Variants in SEMA3D observed in about 807,000 individuals in gnomAD.
SEMA3D encodes semaphorin-3D.
SEMA3D carries 84 observed loss-of-function variants against 100.1 expected under a neutral mutation model. That is an observed-to-expected ratio of 0.84 (90% confidence interval 0.70 to 1.01). The LOEUF is 1.01. Among genes scored for constraint, SEMA3D ranks in the 50% least tolerant of loss-of-function variants. The pLI is 0.00. For missense variants in SEMA3D, 875 were observed against 934.1 expected (o/e 0.94, Z 0.82); for synonymous variants, 312 against 320.7 (o/e 0.97, Z 0.29).
chr7:85,167,336 A>T, intron 1 of SEMA3D: 1 of 982,502 alleles, frequency 1.0e-6, no homozygotes, highest in Non-Finnish European at 1.2e-6. Flanking sequence ...TGATGTTCTC[A>T]TAGAAACATA....
intron 6 of SEMA3D, among the ~76,000 whole-genome samples, chr7:85,068,857 C>G (rs1429529707): frequency 3.3e-5 from 5 of 152,106 alleles, no homozygotes; most frequent in African/African-American, 1.2e-4. Flanking sequence ...TAGTATTTCA[C>G]TATGACGAAA....
intron 8 of SEMA3D, among the ~76,000 whole-genome samples, chr7:85,057,319 G>A (rs1049920874): frequency 6.6e-6 from 1 of 152,036 alleles, no homozygotes; most frequent in African/African-American, 2.4e-5. Flanking sequence ...AGAAATAATT[G>A]GATTAAAGCA....
At chr7:85,225,198 T>C in the SEMA3D span, among the ~76,000 whole-genome samples, 435 of 144,734 alleles carry the variant, frequency 3.0e-3, 3 homozygotes, top group South Asian at 7.7e-3. Flanking sequence ...TACATATATG[T>C]AATATATATT....
intron 9 of SEMA3D, chr7:85,050,452 A>G (rs1240187809): frequency 3.9e-6 from 1 of 253,354 alleles, no homozygotes; most frequent in East Asian, 6.3e-5. Flanking sequence ...ACTGGAAAGT[A>G]GGAACACTAC....
Position 85,117,462 on chromosome 7 carries a change from A to G in SEMA3D, c.151+4279T>C, listed in dbSNP as rs919747246. Among the ~76,000 whole-genome samples the G allele has an allele frequency of 1.3e-5, 2 of 152,192 alleles. 1 individual carries two copies. Among genetic ancestry groups the G allele is most frequent in the South Asian group, 4.1e-4 (2 of 4,834 alleles). ...TTTAGAAATGGGCACTGCCATAACA[A>G]AACCTAAAACCTTTGGCTTTAAAGA... On this transcript the variant is annotated intron_variant, in intron 3 of 18. Transcript: ENST00000284136.
chr7:85,005,077 T>G (rs970270373), intron 18 of SEMA3D, among the ~76,000 whole-genome samples: 4 of 151,900 alleles, frequency 2.6e-5, no homozygotes, highest in Non-Finnish European at 5.9e-5. Flanking sequence ...CACATATTTT[T>G]AAAAATCAGA....
At chr7:85,098,034 G>T (rs184522153) in intron 3 of SEMA3D, 69 bp from the exon 4 acceptor site, 8 of 761,346 alleles carry the variant, frequency 1.1e-5, no homozygotes, top group Non-Finnish European at 1.3e-5. Context: ...AGAAAGGAGA[G>T]AAAGAAGAAA....
chr7:85,094,105 AG>A (rs1788478859), intron 4 of SEMA3D, among the ~76,000 whole-genome samples: 1 of 152,040 alleles, frequency 6.6e-6, no homozygotes. Flanking sequence ...AAGAATAAAC[AG>A]GGTGCTTTGA....
At chr7:85,117,900 G>GATATAA (rs906053682) in intron 3 of SEMA3D, among the ~76,000 whole-genome samples, 63 of 150,336 alleles carry the variant, frequency 4.2e-4, no homozygotes, top group African/African-American at 1.5e-3. Flanking sequence ...GATATATATA[G>GATATAA]ATATAAATAT....
chr7:85,165,121 C>T (rs1218996221), intron 1 of SEMA3D, among the ~76,000 whole-genome samples: 2 of 151,254 alleles, frequency 1.3e-5, no homozygotes, highest in African/African-American at 2.4e-5. Context: ...TTGCGATAGA[C>T]GAGTTAATGG....
chr7:85,096,279 G>GA (rs1041169027), intron 4 of SEMA3D, among the ~76,000 whole-genome samples: 1 of 151,322 alleles, frequency 6.6e-6, no homozygotes, highest in African/African-American at 2.4e-5. Flanking sequence ...AATTCCTGAA[G>GA]AAAAAAATAC....
intron 11 of SEMA3D, among the ~76,000 whole-genome samples, chr7:85,039,695 T>C (rs1291177221): frequency 6.6e-6 from 1 of 152,184 alleles, no homozygotes. Flanking sequence ...TTACTACTAA[T>C]AGTCCGCTCC....
In SEMA3D at chr7:85,070,153, A is replaced by G. The variant is rs547659680; in HGVS notation, c.496-1869T>C. 3.9e-5 allele frequency among the ~76,000 whole-genome samples: 6 copies of G among 152,348 alleles called. No homozygotes were observed. The South Asian group carries it at 6.2e-4, about 16-fold the overall frequency. On this transcript the variant is annotated intron_variant, in intron 6 of 18. Coordinates refer to ENST00000284136, the MANE Select transcript of SEMA3D (RefSeq NM_001384900.1). ...AATGACTGGAACCATATTTCAAACT[A>G]TGGCCATCTGTCCTCAACTTACTAT...
the SEMA3D span, among the ~76,000 whole-genome samples, chr7:85,235,779 A>G: frequency 6.6e-6 from 1 of 152,156 alleles, no homozygotes; most frequent in African/African-American, 2.4e-5. Context: ...TTCATGCCAA[A>G]TATCTGTTTT....
intron 4 of SEMA3D, among the ~76,000 whole-genome samples, chr7:85,085,728 T>A (rs1406064795): frequency 6.6e-6 from 1 of 152,206 alleles, no homozygotes; most frequent in African/African-American, 2.4e-5. Flanking sequence ...TTTAAAGTAC[T>A]TGCTCTTAAT....
At chr7:85,191,589 T>C (rs1488684695), upstream of SEMA3D, among the ~76,000 whole-genome samples, 1 of 152,158 alleles carries the variant, frequency 6.6e-6, no homozygotes, top group Non-Finnish European at 1.5e-5. Context: ...TGTGGCTTAT[T>C]TGTTCTGGTT....
chr7:85,027,451 G>A (rs774031773), intron 12 of SEMA3D, among the ~76,000 whole-genome samples: 1 of 151,896 alleles, frequency 6.6e-6, no homozygotes, highest in Non-Finnish European at 1.5e-5. Flanking sequence ...GTACATATGG[G>A]GCTTTTTGTT....
At chr7:85,208,205 T>A in the SEMA3D span, among the ~76,000 whole-genome samples, 1 of 152,074 alleles carries the variant, frequency 6.6e-6, no homozygotes, top group South Asian at 2.1e-4. Flanking sequence ...TTAAAATATT[T>A]TGATATATAA....
intron 2 of SEMA3D, among the ~76,000 whole-genome samples, chr7:85,139,502 GTAA>G (rs934677433): frequency 6.6e-6 from 1 of 151,970 alleles, no homozygotes; most frequent in African/African-American, 2.4e-5. Flanking sequence ...TGAAATCCAT[GTAA>G]TAATATTTCT....
Sources: gnomAD v4.1 joint callset for allele counts (sites outside exome capture counted in the v4.1 genomes callset) on GRCh38, gnomAD v4.1.1 for gene constraint, MANE v1.5 for transcripts, NCBI Gene and HGNC (gene_info 2026-07-23, HGNC 2026-07-21) for gene names.